Variants in MS4A4E observed in about 807,000 individuals in gnomAD.
MS4A4E encodes the protein putative membrane-spanning 4-domains subfamily A member 4E.
MS4A4E carries 23 observed loss-of-function variants against 13.3 expected under a neutral mutation model. The observed-to-expected ratio is 1.73, with a 90% CI of 1.25 to 2.45. The LOEUF (loss-of-function observed/expected upper bound fraction) is 2.45. Among genes scored for constraint, MS4A4E ranks in the 30% most tolerant of loss-of-function variants. The pLI, the probability that MS4A4E is intolerant of heterozygous loss-of-function variation, is 0.00. For missense variants in MS4A4E, 144 were observed against 131.2 expected, an observed-to-expected ratio of 1.10 and a Z score of -0.48; for synonymous variants, 36 against 45.6, an observed-to-expected ratio of 0.79 and a Z score of 0.85.
chr11:60,216,962 C>T (rs767036720), intron 3 of MS4A4E, among the ~76,000 whole-genome samples: 1 of 152,134 alleles, frequency 6.6e-6, no homozygotes, highest in Non-Finnish European at 1.5e-5. Context: ...CCCTGACTAT[C>T]CTATTAGTTC....
At chr11:60,210,489 G>T (rs901522203) in intron 5 of MS4A4E, among the ~76,000 whole-genome samples, 15 of 152,210 alleles carry the variant, frequency 9.9e-5, no homozygotes, top group African/African-American at 3.4e-4. Context: ...CGAAACTGCT[G>T]TCTTTCTAGG....
At chr11:60,226,022 A>G (rs185239348) in intron 3 of MS4A4E, among the ~76,000 whole-genome samples, 23 of 152,142 alleles carry the variant, frequency 1.5e-4, no homozygotes, top group African/African-American at 4.8e-4. Context: ...AACTCTACGA[A>G]CAATTCTGTG....
intron 1 of MS4A4E, among the ~76,000 whole-genome samples, chr11:60,234,787 CCA>C (rs1565129328): frequency 2.9e-5 from 2 of 69,350 alleles, no homozygotes; most frequent in African/African-American, 4.4e-5. Flanking sequence ...ACCCCCCCCC[CCA>C]AAATAACAAA....
At chr11:60,207,241 G>A (rs1012654316) in intron 6 of MS4A4E, among the ~76,000 whole-genome samples, 6 of 152,136 alleles carry the variant, frequency 3.9e-5, no homozygotes, top group African/African-American at 7.2e-5. Context: ...TGGGGGACCA[G>A]GAAGAGATAG....
chr11:60,215,548 T>A (rs2084182176), intron 3 of MS4A4E, among the ~76,000 whole-genome samples: 1 of 151,822 alleles, frequency 6.6e-6, no homozygotes, highest in Non-Finnish European at 1.5e-5. Context: ...TGGTAAAATA[T>A]AAATAATTAT....
At chr11:60,222,775 T>C (rs1485008804) in intron 3 of MS4A4E, among the ~76,000 whole-genome samples, 1 of 152,158 alleles carries the variant, frequency 6.6e-6, no homozygotes. Context: ...CCTGGCCATT[T>C]TGGGCTCCTC....
Position 60,214,566 on chromosome 11 carries a change from C to T in MS4A4E, c.222+5G>A, listed in dbSNP as rs1042983448. The T allele has an allele frequency of 4.6e-6, 7 of 1,516,706 alleles. No individual in the cohort carries two copies. The highest frequency in any genetic ancestry group is 1.4e-5 in the African/African-American group (1 of 72,150). 94.0% of individuals were successfully genotyped at this position (1,516,706 alleles called of 1,614,324 possible). A position where few individuals can be genotyped will look rare whatever the true frequency, so the allele number is the denominator to read the frequency against. ...TTTTGATACCCCCCACAAAACATTA[C>T]TCACCAGACCTTTTGTTGTTCTAAT... is the stretch of plus-strand genomic sequence containing the variant. On this transcript the variant is annotated splice_donor_5th_base_variant and intron_variant, in intron 4 of 8. Coordinates refer to ENST00000651255, the MANE Select transcript of MS4A4E (RefSeq NM_001393391.1).
chr11:60,225,213 T>C (rs1042001227), intron 3 of MS4A4E: 115 of 942,556 alleles, frequency 1.2e-4, no homozygotes, highest in Middle Eastern at 2.6e-4. Context: ...ATGACCTTGA[T>C]ATTCTGTTGT....
chr11:60,202,560 G>A (rs2084000617), intron 8 of MS4A4E, among the ~76,000 whole-genome samples: 1 of 152,096 alleles, frequency 6.6e-6, no homozygotes, highest in African/African-American at 2.4e-5. Flanking sequence ...CCAACTGAGA[G>A]CTATTACCCA....
At chr11:60,230,574 A>G (rs2084396726) in intron 1 of MS4A4E, among the ~76,000 whole-genome samples, 2 of 152,188 alleles carry the variant, frequency 1.3e-5, no homozygotes, top group South Asian at 4.1e-4. Flanking sequence ...ATTTTGTCCC[A>G]TAAGCTCTGA....
chr11:60,238,411 T>A (rs1448380056), intron 1 of MS4A4E, among the ~76,000 whole-genome samples: 1 of 152,030 alleles, frequency 6.6e-6, no homozygotes, highest in East Asian at 1.9e-4. Flanking sequence ...TTTAGTAGTA[T>A]CTTCATAAAA....
At chr11:60,231,058 T>C (rs1339099789) in intron 1 of MS4A4E, among the ~76,000 whole-genome samples, 1 of 152,180 alleles carries the variant, frequency 6.6e-6, no homozygotes, top group Non-Finnish European at 1.5e-5. Flanking sequence ...ATAATTGTCA[T>C]CGTGTATTTA....
chr11:60,213,040 G>T lies in MS4A4E; in HGVS notation c.315C>A (p.Phe105Leu). 1 of 454,554 alleles carries T rather than the reference G, an allele frequency of 2.2e-6. No homozygotes were observed. Among genetic ancestry groups the T allele is most frequent in the South Asian group, 4.6e-5 (1 of 21,688 alleles). The allele number at this position is 454,554 out of a possible 1,614,324, so 28.2% of individuals were successfully genotyped here. A position where few individuals can be genotyped will look rare whatever the true frequency, so the allele number is the denominator to read the frequency against. ...INAISLTFYS[F>L]RYHYCNHDQL... ...GATCGTGGTTACAGTAATGGTAACG[G>T]AATGAATAAAACGTCAAGCTTATTG... Residue 105 changes from phenylalanine to leucine, a missense_variant, in exon 5 of 9, where the codon TTC (phenylalanine) becomes TTA (leucine). By Grantham distance (22) the Phe-to-Leu change is conservative (BLOSUM62 0). Around this residue, in one of 3 missense-constraint regions of MS4A4E, gnomAD observed 119 missense variants for 88.7 expected, o/e 1.34. Coordinates refer to ENST00000651255, the MANE Select transcript of MS4A4E (RefSeq NM_001393391.1).
intron 3 of MS4A4E, 25 bp from the exon 4 acceptor site, chr11:60,214,639 A>AG: frequency 6.8e-7 from 1 of 1,466,848 alleles, no homozygotes; most frequent in Non-Finnish European, 9.1e-7. Context: ...TAAGAATGAG[A>AG]GAAAAAAATG....
Position 60,206,500 on chromosome 11 carries a change from C to CACGTATATATATATAT in MS4A4E, c.484-681_484-680insATATATATATATACGT, listed in dbSNP as rs369465441. ...ATATATATATATATGTATATATATA[C>CACGTATATATATATAT]GTATATATATATACACACACACACA... On this transcript the variant is annotated intron_variant, in intron 6 of 8. Coordinates refer to ENST00000651255, the MANE Select transcript of MS4A4E (RefSeq NM_001393391.1). Among the ~76,000 whole-genome samples, 40 of 103,772 alleles carry CACGTATATATATATAT rather than the reference C, an allele frequency of 3.9e-4. 1 individual carries two copies. In the South Asian group the frequency reaches 4.6e-3, roughly 12 times the overall value. The allele number at this position is 103,772 out of a possible 152,430, so 68.1% of individuals were successfully genotyped here.
chr11:60,210,072 G>A (rs1168080116), intron 5 of MS4A4E, among the ~76,000 whole-genome samples: 1 of 152,210 alleles, frequency 6.6e-6, no homozygotes, highest in Non-Finnish European at 1.5e-5. Context: ...GCCAGATAAT[G>A]TACATTTTAG....
intron 2 of MS4A4E, 100 bp from the exon 3 acceptor site, chr11:60,228,727 C>T (rs2084373200): frequency 3.5e-6 from 2 of 570,292 alleles, no homozygotes; most frequent in Non-Finnish European, 6.2e-6. Context: ...AACTGTGGTA[C>T]CTCTAGACAA....
At chr11:60,203,529 G>A (rs746491073) in intron 8 of MS4A4E, among the ~76,000 whole-genome samples, 2 of 151,998 alleles carry the variant, frequency 1.3e-5, no homozygotes, top group Non-Finnish European at 2.9e-5. Context: ...TGGGTGGATC[G>A]CCTGAGCTCA....
intron 3 of MS4A4E, among the ~76,000 whole-genome samples, chr11:60,215,397 A>AT (rs2084180217): frequency 6.6e-6 from 1 of 151,592 alleles, no homozygotes; most frequent in African/African-American, 2.4e-5. Flanking sequence ...CTCTACAAAG[A>AT]TTTTTAATAT....
Sources: allele counts gnomAD v4.1 joint callset (sites outside exome capture counted in the v4.1 genomes callset), GRCh38; gene constraint gnomAD v4.1.1; regional missense constraint gnomAD v4.1.1; transcripts MANE v1.5; gene names NCBI Gene and HGNC (gene_info 2026-07-23, HGNC 2026-07-21).